Variants in NAALADL2 observed in about 807,000 individuals in gnomAD.
NAALADL2 encodes inactive N-acetylated-alpha-linked acidic dipeptidase-like protein 2.
A neutral mutation model predicts 87.2 loss-of-function variants in NAALADL2; 76 were observed. That is an observed-to-expected ratio of 0.87 (90% CI 0.72 to 1.05). NAALADL2 has a LOEUF of 1.05. NAALADL2 is among the 50% of genes least tolerant of loss of function. NAALADL2 has a pLI of 0.00. For missense variants in NAALADL2, 1,089 were observed against 945.8 expected (o/e 1.15, Z -1.99); for synonymous variants, 354 against 331.0 (o/e 1.07, Z -0.75).
intron 13 of NAALADL2, among the ~76,000 whole-genome samples, chr3:175,771,920 C>A (rs974439495): frequency 3.9e-5 from 6 of 152,062 alleles, no homozygotes; most frequent in African/African-American, 1.4e-4. Context: ...AGGGAAAAGG[C>A]CCTTATAGAA....
At chr3:175,768,851 C>CAA (rs35173343) in intron 13 of NAALADL2, among the ~76,000 whole-genome samples, 18,403 of 100,484 alleles carry the variant, frequency 0.18, 1,634 homozygotes, top group African/African-American at 0.3. Flanking sequence ...GACTTTGTCT[C>CAA]AAAAAAAAAA....
intron 2 of NAALADL2, among the ~76,000 whole-genome samples, chr3:174,555,638 T>C (rs528825474): frequency 5.3e-4 from 81 of 152,234 alleles, no homozygotes; most frequent in African/African-American, 1.9e-3. Context: ...AGAAGTATGA[T>C]TGGAGGACAA....
chr3:175,588,426 A>G (rs1720859980), intron 10 of NAALADL2, among the ~76,000 whole-genome samples: 1 of 113,520 alleles, frequency 8.8e-6, no homozygotes, highest in Non-Finnish European at 2.1e-5. Flanking sequence ...TATAAAAAGA[A>G]GTAAGAAGTT....
intron 1 of NAALADL2, among the ~76,000 whole-genome samples, chr3:175,066,010 T>C (rs906034108): frequency 1.3e-5 from 2 of 152,144 alleles, no homozygotes; most frequent in Non-Finnish European, 2.9e-5. Context: ...GGGAACAGTG[T>C]AACCGAATGC....
intron 4 of NAALADL2, among the ~76,000 whole-genome samples, chr3:175,273,037 A>T (rs1263424571): frequency 6.6e-6 from 1 of 152,114 alleles, no homozygotes; most frequent in African/African-American, 2.4e-5. Context: ...TTTTTCATTG[A>T]TGTACTAAAT....
chr3:175,031,486 A>G (rs1472117461), intron 1 of NAALADL2, among the ~76,000 whole-genome samples: 1 of 152,088 alleles, frequency 6.6e-6, no homozygotes, highest in Non-Finnish European at 1.5e-5. Flanking sequence ...TCCATGGTGT[A>G]TGTGTACCAC....
At chr3:174,847,036 A>G (rs1724700354) in intron 3 of NAALADL2, among the ~76,000 whole-genome samples, 1 of 152,162 alleles carries the variant, frequency 6.6e-6, no homozygotes, top group South Asian at 2.1e-4. Context: ...TCTCTGGAAA[A>G]TGTGTTGGTG....
intron 4 of NAALADL2, among the ~76,000 whole-genome samples, chr3:175,260,786 C>A (rs1750894655): frequency 6.6e-6 from 1 of 151,926 alleles, no homozygotes; most frequent in South Asian, 2.1e-4. Context: ...CTAGGGAGGG[C>A]AAAGGGGAAG....
At chr3:174,982,525 C>G (rs1421934694) in intron 1 of NAALADL2, among the ~76,000 whole-genome samples, 3 of 152,020 alleles carry the variant, frequency 2.0e-5, no homozygotes, top group Non-Finnish European at 4.4e-5. Context: ...ATATTTAATC[C>G]CTACACAAAC....
At chr3:175,466,400 A>G (rs112890645) in intron 7 of NAALADL2, among the ~76,000 whole-genome samples, 3,839 of 152,266 alleles carry the variant, frequency 0.025, 177 homozygotes, top group African/African-American at 0.086. Flanking sequence ...GAATGATTGC[A>G]TTAAATAAAA....
chr3:174,447,630 A>G (rs967115104), intron 1 of NAALADL2, among the ~76,000 whole-genome samples: 1 of 152,030 alleles, frequency 6.6e-6, no homozygotes, highest in African/African-American at 2.4e-5. Flanking sequence ...ATTCTGGCTA[A>G]CACGGTGAAA....
chr3:175,203,723 C>A (rs573176154), intron 2 of NAALADL2, among the ~76,000 whole-genome samples: 9 of 152,004 alleles, frequency 5.9e-5, no homozygotes, highest in African/African-American at 2.2e-4. Flanking sequence ...AAGAAGAGAG[C>A]AAATCCAAAT....
chr3:174,513,753 A>G (rs1387758433), intron 1 of NAALADL2, among the ~76,000 whole-genome samples: 5 of 152,234 alleles, frequency 3.3e-5, no homozygotes, highest in African/African-American at 1.2e-4. Context: ...ATAAAAAATT[A>G]CACCTTATTA....
intron 11 of NAALADL2, among the ~76,000 whole-genome samples, chr3:175,646,641 T>C (rs1449111083): frequency 6.6e-6 from 1 of 152,100 alleles, no homozygotes; most frequent in Non-Finnish European, 1.5e-5. Flanking sequence ...GAGTTAAAGA[T>C]ATGGTTACAG....
At position 174,812,765 on chromosome 3, in the gene NAALADL2, C is replaced by G. The variant is rs181931199; in HGVS notation, c.-9+75019C>G. On this transcript the variant is annotated intron_variant, in intron 3 of 3. Transcript: ENST00000434257. ...CCTAGGCTAATGTGTGTATTTGTGT[C>G]TTCATTTTTAACAAAAAGTTTAAAG... is the stretch of plus-strand genomic sequence containing the variant. Among the ~76,000 whole-genome samples, 794 of 150,740 alleles carry G rather than the reference C, an allele frequency of 5.3e-3. 2 individuals carry two copies. The highest frequency in any genetic ancestry group is 0.024 in the Middle Eastern group (7 of 292).
intron 4 of NAALADL2, among the ~76,000 whole-genome samples, chr3:175,261,739 A>G (rs919692403): frequency 2.0e-5 from 3 of 152,126 alleles, no homozygotes; most frequent in Admixed American, 2.0e-4. Flanking sequence ...AGTTTCCTAC[A>G]AATGAAACAT....
intron 11 of NAALADL2, among the ~76,000 whole-genome samples, chr3:175,633,208 T>C (rs1180640620): frequency 3.9e-5 from 6 of 152,132 alleles, no homozygotes; most frequent in Non-Finnish European, 2.9e-5. Context: ...GGAATTCTTG[T>C]TTTCCGCTTC....
intron 4 of NAALADL2, 119 bp from the exon 5 acceptor site, chr3:175,324,056 G>GAAAAA: frequency 1.6e-6 from 1 of 639,236 alleles, no homozygotes; most frequent in Non-Finnish European, 2.5e-6. Flanking sequence ...AAAAGAAAAA[G>GAAAAA]AAAAAGAAAA....
At chr3:175,023,574 T>C (rs1751841464) in intron 1 of NAALADL2, among the ~76,000 whole-genome samples, 1 of 152,058 alleles carries the variant, frequency 6.6e-6, no homozygotes, top group South Asian at 2.1e-4. Flanking sequence ...CGAGGGGCTA[T>C]GAAAAAAATT....
Sources: allele counts gnomAD v4.1 joint callset (sites outside exome capture counted in the v4.1 genomes callset), GRCh38; gene constraint gnomAD v4.1.1; transcripts MANE v1.5; gene names NCBI Gene and HGNC (gene_info 2026-07-23, HGNC 2026-07-21).